The following LRRC27 variants were observed in gnomAD, a reference collection of about 807,000 sequenced individuals.
LRRC27 encodes the protein leucine rich repeat containing 27.
Under a neutral mutation model 55.0 loss-of-function variants are expected in LRRC27, and 57 were observed. The observed-to-expected ratio is 1.04, with a 90% CI of 0.84 to 1.29. The LOEUF is 1.29. LRRC27 is among the 50% of genes most tolerant of loss of function. The pLI is 0.00. For synonymous variants in LRRC27, 278 were observed against 251.9 expected (o/e 1.10, Z -0.98); for missense variants, 721 against 651.5 (o/e 1.11, Z -1.16).
chr10:132,331,980 G>T (rs1288947147), upstream of LRRC27: 1 of 433,478 alleles, frequency 2.3e-6, no homozygotes, highest in Non-Finnish European at 3.9e-6. Context: ...CCCCCTCCCG[G>T]GCAGGCGCAC....
At chr10:132,364,722 GCGTC>G (rs1435481805) in intron 9 of LRRC27, among the ~76,000 whole-genome samples, 4 of 1,972 alleles carry the variant, frequency 2.0e-3, no homozygotes, top group Non-Finnish European at 4.5e-3. Context: ...CATGCAGTCC[GCGTC>G]CACACTTACA....
chr10:132,330,162 T>C (rs2066617113), upstream of LRRC27: 1 of 395,664 alleles, frequency 2.5e-6, no homozygotes, highest in Non-Finnish European at 4.8e-6. Flanking sequence ...GGGCAAAAAC[T>C]GAGCACAGTA....
chr10:132,344,796 G>C (rs2067595858), intron 5 of LRRC27, 146 bp downstream of exon 5: 1 of 754,428 alleles, frequency 1.3e-6, no homozygotes, highest in Non-Finnish European at 2.0e-6. Context: ...AGTGTACACT[G>C]ATCTCAGGCC....
intron 8 of LRRC27, among the ~76,000 whole-genome samples, chr10:132,359,557 G>A (rs1677329958): frequency 6.6e-6 from 1 of 152,254 alleles, no homozygotes; most frequent in African/African-American, 2.4e-5. Flanking sequence ...GCGGGCCTGG[G>A]GAATCATGGC....
At position 132,381,142 on chromosome 10, in the gene LRRC27, G is replaced by A. The variant is rs944049282; in HGVS notation, c.*5900G>A. ...GAGAAGACCCACCACAGTGTGGGCA[G>A]GCACCATCCAGTCGGCTGCCAGCAT... On this transcript the variant is annotated 3_prime_UTR_variant, in exon 11 of 11. Transcript: ENST00000368614. 2.6e-5 allele frequency among the ~76,000 whole-genome samples: 4 copies of A among 152,234 alleles called. No individual in the cohort carries two copies. Among genetic ancestry groups the A allele is most frequent in the African/African-American group, 9.6e-5 (4 of 41,460 alleles).
intron 8 of LRRC27, among the ~76,000 whole-genome samples, chr10:132,360,243 G>A (rs191028977): frequency 6.6e-6 from 1 of 152,256 alleles, no homozygotes; most frequent in African/African-American, 2.4e-5. Context: ...CTACAGGCAT[G>A]CGCCACCACA....
Position 132,365,564 on chromosome 10 carries a change from G to C in LRRC27, c.1416+14G>C, listed in dbSNP as rs751064246. 4.3e-6 allele frequency: 7 copies of C among 1,610,762 alleles called. No individual in the cohort carries two copies. The East Asian group carries it at 6.7e-5, about 15-fold the overall frequency. On this transcript the variant is annotated intron_variant, in intron 10 of 10. Coordinates refer to ENST00000368614, the MANE Select transcript of LRRC27 (RefSeq NM_030626.3). ...GATCTGGAAATTGTAAGGATTTCTT[G>C]GTTCTGTTTAAAAAAGTGTGGGGTG...
intron 7 of LRRC27, chr10:132,352,961 C>G (rs756273309): frequency 6.2e-6 from 10 of 1,613,728 alleles, no homozygotes; most frequent in Admixed American, 3.3e-5. Flanking sequence ...GTTGCTGTGA[C>G]TGCCGCCAGT....
rs184760907 is a variant in LRRC27, at chr10:132,371,093, C to T, written c.1417-3973C>T. Among the ~76,000 whole-genome samples the T allele has an allele frequency of 1.6e-4, 25 of 152,400 alleles. No homozygotes were observed. The East Asian group carries it at 4.4e-3, about 27-fold the overall frequency. On this transcript the variant is annotated intron_variant, in intron 10 of 10. Coordinates refer to ENST00000368614, the MANE Select transcript of LRRC27 (RefSeq NM_030626.3). ...CAGAGAACCATCTAAGTTCACACTGCACCTCTAGAAGCAGAGGGTCTCATT... is the reference window on the plus strand; with the variant it reads ...CAGAGAACCATCTAAGTTCACACTGTACCTCTAGAAGCAGAGGGTCTCATT...
Position 132,353,671 on chromosome 10 carries a change from G to A in LRRC27, c.1073+1918G>A, listed in dbSNP as rs569625569. Among the ~76,000 whole-genome samples, 5 of 152,306 alleles carry A rather than the reference G, an allele frequency of 3.3e-5. No individual in the cohort carries two copies. The South Asian group carries it at 8.3e-4, about 25-fold the overall frequency. ...TCCGGGCTGCACCAGAAAGCCCATC[G>A]CTGTGGGACCAGGTCTTGCTGGCCA... is the stretch of plus-strand genomic sequence containing the variant. On this transcript the variant is annotated intron_variant, in intron 7 of 10. Transcript: ENST00000368614.
At chr10:132,351,507 C>T (rs1280598367) in intron 6 of LRRC27, 100 bp from the exon 7 acceptor site, 15 of 1,326,478 alleles carry the variant, frequency 1.1e-5, no homozygotes, top group African/African-American at 1.5e-5. Context: ...TTCAGATGAG[C>T]GGATGATCCA....
In LRRC27 at chr10:132,351,598, T is replaced by C. The variant is rs1392269818; in HGVS notation, c.927-9T>C. The C allele has an allele frequency of 1.2e-6, 2 of 1,609,576 alleles. No homozygotes were observed. Among genetic ancestry groups the C allele is most frequent in the Admixed American group, 3.4e-5 (2 of 58,372 alleles). On this transcript the variant is annotated splice_polypyrimidine_tract_variant and intron_variant, in intron 6 of 10. Coordinates refer to ENST00000368614, the MANE Select transcript of LRRC27 (RefSeq NM_030626.3). Reference sequence around the variant, plus strand: ...TAAACATTCAGCTAAAAACACTCTGTAATTTTAGAAGGAAGACAGCCTCCT... The same window carrying C: ...TAAACATTCAGCTAAAAACACTCTGCAATTTTAGAAGGAAGACAGCCTCCT...
upstream of LRRC27, chr10:132,331,937 C>A: frequency 1.7e-6 from 1 of 591,164 alleles, no homozygotes; most frequent in Non-Finnish European, 2.7e-6. Context: ...GCAAGCGCAA[C>A]CCCCCGCCCC....
At chr10:132,371,402 T>C (rs2069213362) in intron 10 of LRRC27, among the ~76,000 whole-genome samples, 1 of 152,164 alleles carries the variant, frequency 6.6e-6, no homozygotes. Flanking sequence ...AAGGAGATGC[T>C]GAAAGCAAAC....
In LRRC27 at chr10:132,348,309, G is replaced by A. The variant is rs150188452; in HGVS notation, c.879G>A (p.Ala293=). ...LTRELPPNLK[A]ALNIEKELPK... ...GGGAATTACCTCCAAATCTCAAGGC[G>A]GCCTTGAACATTGAGAAAGAACTAC... Residue 293 remains alanine, a synonymous_variant, in exon 6 of 11, where the codon GCG becomes GCA. Transcript: ENST00000368614. This position sits in a 1 kb window ranked among gnomAD's most constrained non-coding sequence, Gnocchi z 4.2. The A allele has an allele frequency of 3.4e-4, 541 of 1,613,694 alleles. 1 individual carries two copies. The highest frequency in any genetic ancestry group is 4.3e-4 in the Non-Finnish European group (512 of 1,179,910).
chr10:132,336,808 G>A, intron 2 of LRRC27: 1 of 767,118 alleles, frequency 1.3e-6, no homozygotes, highest in South Asian at 1.4e-5. Flanking sequence ...TACAGATATG[G>A]ATATAAATAC....
chr10:132,367,008 G>A (rs532593355), intron 10 of LRRC27: 148 of 1,204,802 alleles, frequency 1.2e-4, no homozygotes, highest in Middle Eastern at 2.3e-4. Context: ...TAAATCCATC[G>A]TTTATGAGTA....
chr10:132,363,737 A>G lies in LRRC27; in HGVS notation c.1290-1687A>G, dbSNP rs922461730. Among the ~76,000 whole-genome samples the G allele has an allele frequency of 1.1e-4, 17 of 152,266 alleles. No homozygotes were observed. In the East Asian group the frequency reaches 3.3e-3, roughly 30 times the overall value. On this transcript the variant is annotated intron_variant, in intron 9 of 10. Transcript: ENST00000368614. ...TGGCCCCGGCCCTGCTGCTCAGCGT[A>G]CGTCTGCCAGGGGGCTCCCCACTCA...
Position 132,344,599 on chromosome 10 carries a change from C to T in LRRC27, c.502C>T (p.Leu168=), listed in dbSNP as rs528888218. The change falls in exon 5 of 11, where the codon CTG becomes TTG. Residue 168 remains leucine (L), a synonymous_variant. Transcript: ENST00000368614. ...GGGATTGGTGGCTATCCAGCGCTTC[C>T]TGCGGATGTGGGCAGTAGAACACTC... ...QKGLVAIQRF[L]RMWAVEHSLP... is the part of the protein sequence containing the mutation. 6.2e-6 allele frequency: 10 copies of T among 1,614,176 alleles called. 1 individual carries two copies. The East Asian group carries it at 2.2e-4, about 36-fold the overall frequency.
Sources: allele counts gnomAD v4.1 joint callset (sites outside exome capture counted in the v4.1 genomes callset), GRCh38; gene constraint gnomAD v4.1.1; non-coding constraint Gnocchi (gnomAD v3.1); transcripts MANE v1.5; gene names NCBI Gene and HGNC (gene_info 2026-07-23, HGNC 2026-07-21).